SLC4A4: variants seen among roughly 807,000 people sequenced by gnomAD.
The protein encoded by SLC4A4 is solute carrier family 4 member 4.
In SLC4A4, 27 loss-of-function variants were observed where a neutral mutation model predicts 111.5. That is an observed-to-expected ratio of 0.24 (90% CI 0.18 to 0.33). SLC4A4 has a LOEUF of 0.33. SLC4A4 is among the 10% of genes least tolerant of loss of function. The pLI is 1.00. For synonymous variants in SLC4A4, 443 were observed against 463.4 expected (o/e 0.96, Z 0.57); for missense variants, 909 against 1,315.5 (o/e 0.69, Z 4.78).
At chr4:71,077,209 G>A (rs542547130) in intron 1 of SLC4A4, among the ~76,000 whole-genome samples, 20 of 150,742 alleles carry the variant, frequency 1.3e-4, no homozygotes, top group Non-Finnish European at 2.7e-4. Flanking sequence ...CACCCAGGCT[G>A]GAGTGCAGTG....
chr4:71,282,071 AC>A (rs1578746776), intron 3 of SLC4A4, among the ~76,000 whole-genome samples: 1 of 151,610 alleles, frequency 6.6e-6, no homozygotes, highest in Non-Finnish European at 1.5e-5. Flanking sequence ...TTTTTAGTGA[AC>A]CCTGTTAAAA....
intron 3 of SLC4A4, among the ~76,000 whole-genome samples, chr4:71,319,483 A>G (rs1726952241): frequency 2.0e-5 from 3 of 152,058 alleles, no homozygotes; most frequent in South Asian, 4.1e-4. Flanking sequence ...CTCACTACAC[A>G]TCTTTGACTA....
At chr4:71,126,367 A>G (rs1179409121) in intron 2 of SLC4A4, among the ~76,000 whole-genome samples, 1 of 152,202 alleles carries the variant, frequency 6.6e-6, no homozygotes, top group African/African-American at 2.4e-5. Flanking sequence ...TTATGAATAA[A>G]TATGTGCAGG....
chr4:71,423,522 C>T (rs548416771), intron 7 of SLC4A4, among the ~76,000 whole-genome samples: 10 of 152,122 alleles, frequency 6.6e-5, no homozygotes, highest in Middle Eastern at 3.4e-3. Flanking sequence ...AAAAAGAGCC[C>T]GCATCGCCAA....
chr4:71,236,463 C>A, intron 1 of SLC4A4, 113 bp from the exon 2 acceptor site: 1 of 951,902 alleles, frequency 1.1e-6, no homozygotes, highest in Non-Finnish European at 1.6e-6. Context: ...GTGACTCTGC[C>A]CTGCTAACAT....
At chr4:71,342,163 T>C (rs1048540746) in intron 4 of SLC4A4, among the ~76,000 whole-genome samples, 4 of 152,212 alleles carry the variant, frequency 2.6e-5, no homozygotes, top group South Asian at 4.1e-4. Context: ...CTTTGCTCTT[T>C]TGGGGCTTCC....
chr4:71,360,946 CAG>C (rs1730719837), intron 6 of SLC4A4, among the ~76,000 whole-genome samples: 1 of 152,046 alleles, frequency 6.6e-6, no homozygotes, highest in African/African-American at 2.4e-5. Context: ...AAAAGGGAAA[CAG>C]GGACTCTCAG....
intron 6 of SLC4A4, among the ~76,000 whole-genome samples, chr4:71,373,159 T>G (rs1325714679): frequency 6.6e-6 from 1 of 152,150 alleles, no homozygotes; most frequent in Non-Finnish European, 1.5e-5. Flanking sequence ...TCAACAGCTG[T>G]TCACCAAGCT....
In SLC4A4 at chr4:71,095,833, T is replaced by C. The variant is rs539471648; in HGVS notation, c.-2+3041T>C. 3.9e-5 allele frequency among the ~76,000 whole-genome samples: 6 copies of C among 152,286 alleles called. No individual in the cohort carries two copies. The South Asian group carries it at 1.2e-3, about 32-fold the overall frequency. On this transcript the variant is annotated intron_variant, in intron 2 of 26. Transcript: ENST00000649996. ...GTATACATAGGAGGGGAACCTAAGA[T>C]AATCTGAAGGTCAGAGAAAGTCTCT...
intron 6 of SLC4A4, among the ~76,000 whole-genome samples, chr4:71,382,811 A>G (rs1226234178): frequency 6.6e-6 from 1 of 152,176 alleles, no homozygotes; most frequent in Non-Finnish European, 1.5e-5. Context: ...ATCTAAACTC[A>G]TTGTTCCACT....
chr4:71,541,915 A>G (rs1735104581), intron 18 of SLC4A4, among the ~76,000 whole-genome samples: 1 of 152,144 alleles, frequency 6.6e-6, no homozygotes, highest in Non-Finnish European at 1.5e-5. Flanking sequence ...AGTATTCTTT[A>G]TATAAAAAGG....
intron 2 of SLC4A4, among the ~76,000 whole-genome samples, chr4:71,113,837 C>T (rs1743163253): frequency 1.3e-5 from 2 of 152,274 alleles, no homozygotes; most frequent in African/African-American, 2.4e-5. Flanking sequence ...ATTAAAAATG[C>T]ATGCTCTATT....
intron 2 of SLC4A4, among the ~76,000 whole-genome samples, chr4:71,125,395 A>C (rs973424629): frequency 6.6e-6 from 1 of 152,216 alleles, no homozygotes; most frequent in Non-Finnish European, 1.5e-5. Flanking sequence ...CAACATGGCA[A>C]AACCCTGTCT....
intron 14 of SLC4A4, 107 bp from the exon 15 acceptor site, chr4:71,486,841 A>C (rs1729446173): frequency 1.6e-6 from 1 of 640,644 alleles, no homozygotes; most frequent in Admixed American, 2.8e-5. Flanking sequence ...GTTGTTATTA[A>C]AGACATTTTT....
chr4:71,473,058 A>G, intron 14 of SLC4A4, 88 bp downstream of exon 14: 3 of 1,404,728 alleles, frequency 2.1e-6, no homozygotes, highest in South Asian at 2.3e-5. Flanking sequence ...ACATGCTGTC[A>G]TGGTCCTCAG....
chr4:71,451,154 C>G, intron 10 of SLC4A4, 34 bp from the exon 11 acceptor site: 1 of 1,339,352 alleles, frequency 7.5e-7, no homozygotes, highest in Non-Finnish European at 1.1e-6. Flanking sequence ...ATAAAATAAA[C>G]TAATATACTC....
At chr4:71,144,382 A>G (rs1744103201) in intron 2 of SLC4A4, among the ~76,000 whole-genome samples, 1 of 152,216 alleles carries the variant, frequency 6.6e-6, no homozygotes, top group South Asian at 2.1e-4. Context: ...AGTTAGCGTG[A>G]TGCCTCCAGC....
At chr4:71,193,234 A>G (rs1745821362) in intron 1 of SLC4A4, among the ~76,000 whole-genome samples, 1 of 152,046 alleles carries the variant, frequency 6.6e-6, no homozygotes, top group African/African-American at 2.4e-5. Context: ...ATCTCGGCTC[A>G]CTGCAAGCTC....
chr4:71,354,419 G>A (rs567313151), intron 5 of SLC4A4, among the ~76,000 whole-genome samples: 9 of 152,072 alleles, frequency 5.9e-5, no homozygotes, highest in South Asian at 2.1e-4. Context: ...TAAATAACCC[G>A]GAACATATTA....
Sources: allele counts gnomAD v4.1 joint callset (sites outside exome capture counted in the v4.1 genomes callset), GRCh38; gene constraint gnomAD v4.1.1; transcripts MANE v1.5; gene names NCBI Gene and HGNC (gene_info 2026-07-23, HGNC 2026-07-21).